ZFP69: variants seen among roughly 807,000 people sequenced by gnomAD.
The protein encoded by ZFP69 is ZFP69 zinc finger protein.
In ZFP69, 35 loss-of-function variants were observed where a neutral mutation model predicts 48.9. The ratio of observed to expected loss-of-function variants is 0.72; its 90% CI spans 0.55 to 0.95. The LOEUF is 0.95. Among genes scored for constraint, ZFP69 ranks in the 40% least tolerant of loss-of-function variants. ZFP69 has a pLI of 0.00. For synonymous variants in ZFP69, 193 were observed against 216.8 expected (o/e 0.89, Z 0.96); for missense variants, 557 against 638.4 (o/e 0.87, Z 1.37).
In ZFP69 at chr1:40,479,124, T is replaced by C. The variant is rs1645418891; in HGVS notation, c.-238T>C. The stretch of plus-strand genomic sequence containing the variant: ...GAGTATGGAGACATGAACTCAAACC[T>C]AACTAACTGGCTGCCTCCCAAAGAA... On this transcript the variant is annotated 5_prime_UTR_variant, in exon 2 of 6. Transcript: ENST00000372706. The C allele has an allele frequency of 4.6e-6, 2 of 438,446 alleles. No individual in the cohort carries two copies. The highest frequency in any genetic ancestry group is 4.2e-5 in the South Asian group (2 of 47,650). 27.2% of individuals were successfully genotyped at this position (438,446 alleles called of 1,614,324 possible).
At chr1:40,481,551 T>C (rs745409976) in intron 2 of ZFP69, among the ~76,000 whole-genome samples, 6 of 152,118 alleles carry the variant, frequency 3.9e-5, no homozygotes, top group Admixed American at 1.3e-4. Flanking sequence ...CTCTCATACA[T>C]AGTTTTTGAT....
chr1:40,482,934 A>T (rs1454340471), intron 3 of ZFP69, among the ~76,000 whole-genome samples: 1 of 152,178 alleles, frequency 6.6e-6, no homozygotes, highest in Non-Finnish European at 1.5e-5. Context: ...GTAGACAAAA[A>T]CTCATCAAGG....
chr1:40,483,832 T>A (rs1292602029), intron 3 of ZFP69, among the ~76,000 whole-genome samples: 1 of 152,182 alleles, frequency 6.6e-6, no homozygotes, highest in East Asian at 1.9e-4. Flanking sequence ...GTCCCAGCAC[T>A]TTGGGAGCCA....
chr1:40,484,050 G>A (rs1330089616), intron 3 of ZFP69, among the ~76,000 whole-genome samples: 1 of 151,992 alleles, frequency 6.6e-6, no homozygotes, highest in African/African-American at 2.4e-5. Flanking sequence ...ACTCTAGCCT[G>A]GGCAACAAGA....
At chr1:40,484,194 CT>C (rs777096285) in intron 3 of ZFP69, among the ~76,000 whole-genome samples, 20 of 152,000 alleles carry the variant, frequency 1.3e-4, no homozygotes, top group Non-Finnish European at 2.5e-4. Context: ...TTCCTGCCTT[CT>C]TTTTGTTTGG....
At position 40,495,527 on chromosome 1, in the gene ZFP69, C is replaced by A. The variant is rs745417353; in HGVS notation, c.1049C>A (p.Thr350Asn). The A allele has an allele frequency of 1.4e-5, 23 of 1,614,168 alleles. No homozygotes were observed. Among genetic ancestry groups the A allele is most frequent in the Non-Finnish European group, 1.6e-5 (19 of 1,180,022 alleles). The stretch of plus-strand genomic sequence containing the variant: ...CTTAATCAGCATCATAGAACTCACA[C>A]TGGGGAGAAACCCTATGTATGTGAT... ...SSLNQHHRTHTGEKPYVCDKC... is the reference protein window; with the variant it reads ...SSLNQHHRTHNGEKPYVCDKC... The change falls in exon 6 of 6, where the codon ACT (threonine) becomes AAT (asparagine). Residue 350 changes from threonine to asparagine, a missense_variant. Coordinates refer to ENST00000372706, the MANE Select transcript of ZFP69 (RefSeq NM_001320179.2).
chr1:40,482,001 C>A, intron 3 of ZFP69, 147 bp downstream of exon 3: 2 of 471,934 alleles, frequency 4.2e-6, no homozygotes, highest in Non-Finnish European at 7.2e-6. Context: ...GCAAGTTGTC[C>A]TTTTACAGAA....
At chr1:40,479,511 G>C in intron 2 of ZFP69, 23 bp downstream of exon 2, 1 of 1,597,828 alleles carries the variant, frequency 6.3e-7, no homozygotes, top group Non-Finnish European at 8.5e-7. Flanking sequence ...TGATGGAGGG[G>C]GAAGAAGGGG....
chr1:40,481,161 T>C (rs1645439430), intron 2 of ZFP69, among the ~76,000 whole-genome samples: 1 of 152,074 alleles, frequency 6.6e-6, no homozygotes, highest in African/African-American at 2.4e-5. Context: ...ATTTGGGCCT[T>C]GAAGAATGTC....
intron 3 of ZFP69, among the ~76,000 whole-genome samples, chr1:40,484,299 A>G (rs1480614636): frequency 1.3e-5 from 2 of 151,842 alleles, no homozygotes; most frequent in African/African-American, 2.4e-5. Flanking sequence ...TCCTGGGTTC[A>G]AGCGATTCTC....
chr1:40,492,041 T>G (rs571067881), intron 5 of ZFP69, among the ~76,000 whole-genome samples: 1 of 152,232 alleles, frequency 6.6e-6, no homozygotes, highest in East Asian at 1.9e-4. Flanking sequence ...TTTTAAATTG[T>G]TTTTAGAGAC....
In ZFP69 at chr1:40,479,446, G is replaced by A. The variant is rs762231690; in HGVS notation, c.85G>A (p.Ala29Thr). The A allele has an allele frequency of 6.2e-7, 1 of 1,614,096 alleles. No individual in the cohort carries two copies. The highest frequency in any genetic ancestry group is 1.1e-5 in the South Asian group (1 of 91,086). The change falls in exon 2 of 6, where the codon GCG (alanine) becomes ACG (threonine). Residue 29 changes from alanine (A) to threonine (T), a missense_variant. By Grantham distance (58) the Ala-to-Thr change is moderately conservative (BLOSUM62 0). Coordinates refer to ENST00000372706, the MANE Select transcript of ZFP69 (RefSeq NM_001320179.2). ...ACATCCAAAGAAGGCCGTGGAGGGG[G>A]CGCCCCTGTGGGAGGATGTGACTAA... is the stretch of plus-strand genomic sequence containing the variant. ...LQHPKKAVEG[A>T]PLWEDVTKMF...
Position 40,495,659 on chromosome 1 carries a change from A to C in ZFP69, c.1181A>C (p.Gln394Pro), listed in dbSNP as rs1645624724. 1 of 1,614,128 alleles carries C rather than the reference A, an allele frequency of 6.2e-7. No homozygotes were observed. Among genetic ancestry groups the C allele is most frequent in the South Asian group, 1.1e-5 (1 of 91,090 alleles). ...TCNECGKTFR[Q>P]IRHLSEHIRI... ...AATGAATGTGGGAAAACCTTTAGACAGATTAGACACCTTAGTGAACATATA... is the reference window on the plus strand; with the variant it reads ...AATGAATGTGGGAAAACCTTTAGACCGATTAGACACCTTAGTGAACATATA... Residue 394 changes from glutamine (Q) to proline (P), a missense_variant, in exon 6 of 6, where the codon CAG (glutamine) becomes CCG (proline). Physicochemically the swap from Gln to Pro is moderately conservative, Grantham distance 76. Transcript: ENST00000372706.
intron 2 of ZFP69, among the ~76,000 whole-genome samples, 176 bp from the exon 3 acceptor site, chr1:40,481,587 C>A (rs529691376): frequency 6.6e-6 from 1 of 152,082 alleles, no homozygotes; most frequent in South Asian, 2.1e-4. Context: ...ATGCCCAAAG[C>A]GACTTGCAGC....
In ZFP69 at chr1:40,494,909, C is replaced by A; in HGVS notation, c.443-12C>A. ...GTAATTGGTTTTTAAAGCTTTTTTT[C>A]ATTTCTTTCAGACTTGAAGAGTAAA... On this transcript the variant is annotated splice_polypyrimidine_tract_variant and intron_variant, in intron 5 of 5. Coordinates refer to ENST00000372706, the MANE Select transcript of ZFP69 (RefSeq NM_001320179.2). 1 of 1,584,594 alleles carries A rather than the reference C, an allele frequency of 6.3e-7. No individual in the cohort carries two copies. Among genetic ancestry groups the A allele is most frequent in the Non-Finnish European group, 8.5e-7 (1 of 1,169,786 alleles).
intron 3 of ZFP69, among the ~76,000 whole-genome samples, chr1:40,486,455 A>ATCCC (rs1570026970): frequency 9.0e-5 from 2 of 22,346 alleles, no homozygotes; most frequent in South Asian, 2.0e-3. Context: ...CCCTCCCTCC[A>ATCCC]TCCCTCCCTC....
At chr1:40,488,956 T>A (rs1180485808) in intron 3 of ZFP69, 132 bp from the exon 4 acceptor site, 2 of 1,092,308 alleles carry the variant, frequency 1.8e-6, no homozygotes, top group African/African-American at 1.6e-5. Flanking sequence ...TCAGAGGATC[T>A]CCAAACAGAT....
chr1:40,489,329 T>C, intron 4 of ZFP69, 115 bp downstream of exon 4: 1 of 1,403,082 alleles, frequency 7.1e-7, no homozygotes, highest in East Asian at 2.3e-5. Flanking sequence ...ATTAAAGATG[T>C]CTTATTCCCT....
chr1:40,483,313 T>G (rs1278138052), intron 3 of ZFP69, among the ~76,000 whole-genome samples: 3 of 146,748 alleles, frequency 2.0e-5, no homozygotes, highest in Admixed American at 7.2e-5. Flanking sequence ...CATTGCAACC[T>G]CAAACTCTTG....
Sources: gnomAD v4.1 joint callset for allele counts (sites outside exome capture counted in the v4.1 genomes callset) on GRCh38, gnomAD v4.1.1 for gene constraint, MANE v1.5 for transcripts, NCBI Gene and HGNC (gene_info 2026-07-23, HGNC 2026-07-21) for gene names.